The following LHFPL6 variants were observed in gnomAD, a reference collection of about 807,000 sequenced individuals.
The protein encoded by LHFPL6 is LHFPL tetraspan subfamily member 6, also known as LHFPL tetraspan subfamily member 6 protein.
LHFPL6 carries 9 observed loss-of-function variants against 20.6 expected under a neutral mutation model. That is an observed-to-expected ratio of 0.44 (90% CI 0.26 to 0.76). The LOEUF is 0.76. Ranked by LOEUF, LHFPL6 falls within the 30% of genes least tolerant of loss-of-function variation. LHFPL6 has a pLI of 0.20. For missense variants in LHFPL6, 218 were observed against 253.5 expected, an observed-to-expected ratio of 0.86 and a Z score of 0.95; for synonymous variants, 105 against 98.7, an observed-to-expected ratio of 1.06 and a Z score of -0.38.
intron 2 of LHFPL6, among the ~76,000 whole-genome samples, chr13:39,573,609 A>G (rs1279321786): frequency 6.6e-6 from 1 of 152,300 alleles, no homozygotes; most frequent in East Asian, 1.9e-4. Context: ...ACTTTTTACA[A>G]AATACTTTCG....
chr13:39,494,521 C>T (rs1869034101), intron 2 of LHFPL6, among the ~76,000 whole-genome samples: 2 of 152,184 alleles, frequency 1.3e-5, no homozygotes, highest in Admixed American at 6.5e-5. Flanking sequence ...CACTCCCATA[C>T]AGCCCACCAT....
At position 39,554,635 on chromosome 13, in the gene LHFPL6, G is replaced by A. The variant is rs186453352; in HGVS notation, c.385+46197C>T. Among the ~76,000 whole-genome samples the A allele has an allele frequency of 3.1e-3, 476 of 152,234 alleles. 3 individuals are homozygous for A. The highest frequency in any genetic ancestry group is 5.2e-3 in the Non-Finnish European group (355 of 68,008). ...TTTTCACATCTCCGTGTTTTCAAATGTTGTTGTCTTCCCCCTCCTCCCCAC... is the reference window on the plus strand; with the variant it reads ...TTTTCACATCTCCGTGTTTTCAAATATTGTTGTCTTCCCCCTCCTCCCCAC... On this transcript the variant is annotated intron_variant, in intron 2 of 3. Transcript: ENST00000379589.
In LHFPL6 at chr13:39,412,986, A is replaced by T. The variant is rs1169558419; in HGVS notation, c.386-34460T>A. 7.9e-5 allele frequency among the ~76,000 whole-genome samples: 12 copies of T among 152,178 alleles called. No homozygotes were observed. In the East Asian group the frequency reaches 2.3e-3, roughly 29 times the overall value. On this transcript the variant is annotated intron_variant, in intron 2 of 3. Transcript: ENST00000379589. The stretch of plus-strand genomic sequence containing the variant: ...GGAACCTGAACCCATGTCTAGCACC[A>T]GTAGGCACTCTCTTAACATCTTCAC...
chr13:39,398,451 A>G (rs997687793), intron 2 of LHFPL6, among the ~76,000 whole-genome samples: 12 of 152,276 alleles, frequency 7.9e-5, no homozygotes, highest in African/African-American at 1.4e-4. Context: ...GTATTTCTCA[A>G]CTCCCTAAAG....
At chr13:39,498,550 A>G (rs1452559673) in intron 2 of LHFPL6, among the ~76,000 whole-genome samples, 1 of 152,268 alleles carries the variant, frequency 6.6e-6, no homozygotes, top group Non-Finnish European at 1.5e-5. Flanking sequence ...GAAGATCAGT[A>G]GAGACTGAAA....
intron 2 of LHFPL6, among the ~76,000 whole-genome samples, chr13:39,529,931 T>C (rs1870411672): frequency 1.3e-5 from 2 of 151,964 alleles, no homozygotes; most frequent in African/African-American, 4.8e-5. Flanking sequence ...AAGAAAAAGG[T>C]TTTATGAAAG....
intron 2 of LHFPL6, among the ~76,000 whole-genome samples, chr13:39,480,866 A>T (rs60950256): frequency 0.064 from 9,739 of 152,254 alleles, 1,029 homozygotes; most frequent in African/African-American, 0.22. Context: ...TACATACTAC[A>T]TCAGTATTTA....
intron 2 of LHFPL6, among the ~76,000 whole-genome samples, chr13:39,600,172 A>C (rs1872890260): frequency 6.6e-6 from 1 of 152,272 alleles, no homozygotes; most frequent in South Asian, 2.1e-4. Flanking sequence ...ATCTGGGACA[A>C]GCACACATCA....
intron 2 of LHFPL6, among the ~76,000 whole-genome samples, chr13:39,380,530 A>C (rs1287589705): frequency 8.2e-6 from 1 of 121,442 alleles, no homozygotes; most frequent in Non-Finnish European, 1.7e-5. Flanking sequence ...TTTTTTTTTG[A>C]GACAGAGTCT....
intron 2 of LHFPL6, among the ~76,000 whole-genome samples, chr13:39,593,807 C>CTGAGG (rs1872685377): frequency 6.6e-6 from 1 of 151,858 alleles, no homozygotes; most frequent in Non-Finnish European, 1.5e-5. Context: ...TCAGAAATAA[C>CTGAGG]GCCGCATATC....
Position 39,458,581 on chromosome 13 carries a change from TGCA to T in LHFPL6, c.386-80058_386-80056del, listed in dbSNP as rs372665654. Among the ~76,000 whole-genome samples the T allele has an allele frequency of 3.7e-3, 560 of 151,802 alleles. 2 individuals are homozygous for T. Among genetic ancestry groups the T allele is most frequent in the African/African-American group, 0.013 (535 of 41,376 alleles). Reference sequence around the variant, plus strand: ...AGTCATGGGGGCCTGCATGTGTAGTTGCAGCTACTCAGGAGGCTGAGATGGGAG... The same window carrying T: ...AGTCATGGGGGCCTGCATGTGTAGTTGCTACTCAGGAGGCTGAGATGGGAG... On this transcript the variant is annotated intron_variant, in intron 2 of 3. Coordinates refer to ENST00000379589, the MANE Select transcript of LHFPL6 (RefSeq NM_005780.3).
chr13:39,539,354 T>C (rs1246126376), intron 2 of LHFPL6, among the ~76,000 whole-genome samples: 3 of 152,024 alleles, frequency 2.0e-5, no homozygotes, highest in Non-Finnish European at 4.4e-5. Context: ...GAAATAACCA[T>C]ATGAGCAGGA....
At chr13:39,347,555 T>C (rs1363553419) in intron 3 of LHFPL6, among the ~76,000 whole-genome samples, 1 of 152,152 alleles carries the variant, frequency 6.6e-6, no homozygotes, top group Non-Finnish European at 1.5e-5. Context: ...GGGTAACAGA[T>C]TCTGAAAGAT....
intron 3 of LHFPL6, among the ~76,000 whole-genome samples, chr13:39,357,212 A>G (rs1869749326): frequency 6.6e-6 from 1 of 152,104 alleles, no homozygotes; most frequent in Admixed American, 6.6e-5. Flanking sequence ...AAAAAAAGTA[A>G]AAAGCTACCA....
intron 2 of LHFPL6, among the ~76,000 whole-genome samples, chr13:39,518,092 C>T (rs769492493): frequency 1.4e-4 from 22 of 152,124 alleles, no homozygotes; most frequent in Non-Finnish European, 2.9e-4. Flanking sequence ...ATCAGGTCAC[C>T]CCCTGCTTCG....
chr13:39,536,001 A>G (rs1340525774), intron 2 of LHFPL6, among the ~76,000 whole-genome samples: 1 of 152,178 alleles, frequency 6.6e-6, no homozygotes, highest in African/African-American at 2.4e-5. Flanking sequence ...TTGACACTAC[A>G]TAGGAAAGGA....
At chr13:39,599,751 C>CT (rs1437483350) in intron 2 of LHFPL6, among the ~76,000 whole-genome samples, 1 of 152,202 alleles carries the variant, frequency 6.6e-6, no homozygotes, top group Admixed American at 6.5e-5. Context: ...ATTAAATACT[C>CT]TGAAATAATC....
intron 2 of LHFPL6, among the ~76,000 whole-genome samples, chr13:39,383,862 T>C (rs991992296): frequency 3.3e-5 from 5 of 152,204 alleles, no homozygotes; most frequent in African/African-American, 1.2e-4. Context: ...CAGTGACATT[T>C]TGGGAGTGAT....
At chr13:39,490,580 G>A (rs574308056) in intron 2 of LHFPL6, among the ~76,000 whole-genome samples, 28 of 152,348 alleles carry the variant, frequency 1.8e-4, no homozygotes, top group Non-Finnish European at 3.5e-4. Flanking sequence ...CAGTAAGTCA[G>A]TAGCTACTAA....
Sources: gnomAD v4.1 joint callset for allele counts (sites outside exome capture counted in the v4.1 genomes callset) on GRCh38, gnomAD v4.1.1 for gene constraint, MANE v1.5 for transcripts, NCBI Gene and HGNC (gene_info 2026-07-23, HGNC 2026-07-21) for gene names.